Variants in ADGRG6 observed in about 807,000 individuals in gnomAD.
The protein encoded by ADGRG6 is G-protein coupled receptor 126.
In ADGRG6, 84 loss-of-function variants were observed where a neutral mutation model predicts 142.4. The observed-to-expected ratio is 0.59, with a 90% confidence interval of 0.49 to 0.71. The LOEUF is 0.71. ADGRG6 is among the 30% of genes least tolerant of loss of function. ADGRG6 has a pLI of 0.00. For missense variants in ADGRG6, 1,367 were observed against 1,466.6 expected (o/e 0.93, Z 1.11); for synonymous variants, 521 against 520.5 (o/e 1.00, Z -0.01).
chr6:142,406,436 G>A (rs1775811901), intron 15 of ADGRG6, among the ~76,000 whole-genome samples: 1 of 152,182 alleles, frequency 6.6e-6, no homozygotes. Flanking sequence ...CTGATCGAGA[G>A]CAGGTTCGCT....
chr6:142,355,307 G>C (rs527802090), intron 2 of ADGRG6, among the ~76,000 whole-genome samples: 2 of 152,080 alleles, frequency 1.3e-5, no homozygotes, highest in South Asian at 4.1e-4. Context: ...TATTTTCATG[G>C]AGAGTGGGGA....
At chr6:142,435,015 A>G (rs148907130) in intron 22 of ADGRG6, among the ~76,000 whole-genome samples, 1 of 152,292 alleles carries the variant, frequency 6.6e-6, no homozygotes, top group African/African-American at 2.4e-5. Context: ...AGTACTCTAA[A>G]GAGAGTACTG....
intron 2 of ADGRG6, among the ~76,000 whole-genome samples, chr6:142,348,945 A>T (rs936802510): frequency 6.6e-6 from 1 of 152,174 alleles, no homozygotes; most frequent in Non-Finnish European, 1.5e-5. Flanking sequence ...GAATACTAGC[A>T]CAGTTGGGCC....
At chr6:142,332,285 TAG>T (rs1779099130) in intron 2 of ADGRG6, among the ~76,000 whole-genome samples, 1 of 152,292 alleles carries the variant, frequency 6.6e-6, no homozygotes, top group African/African-American at 2.4e-5. Flanking sequence ...GATGAGTAGG[TAG>T]AAAGTCCTAG....
At chr6:142,414,889 A>G (rs1776278986) in intron 18 of ADGRG6, 80 bp from the exon 19 acceptor site, 1 of 1,246,750 alleles carries the variant, frequency 8.0e-7, no homozygotes, top group Non-Finnish European at 1.1e-6. Context: ...TCTAATGTTA[A>G]CAGTGAACTT....
intron 22 of ADGRG6, among the ~76,000 whole-genome samples, chr6:142,432,052 G>GAAAAAC (rs1163591238): frequency 6.6e-6 from 1 of 151,894 alleles, no homozygotes; most frequent in Non-Finnish European, 1.5e-5. Context: ...GTAGATGGAG[G>GAAAAAC]AAAAACAAAA....
chr6:142,438,062 T>A lies in ADGRG6; in HGVS notation c.3422-150T>A, dbSNP rs548735561. ...AAGTAAGAAATTATCAATATCCTCT[T>A]ATTGTTTACATGTCAGTCTCTTCTC... On this transcript the variant is annotated intron_variant, in intron 23 of 24. Coordinates refer to ENST00000367609, the MANE Select transcript of ADGRG6 (RefSeq NM_198569.3). 6.0e-4 allele frequency: 322 copies of A among 535,250 alleles called. 6 individuals are homozygous for A. In the South Asian group the frequency reaches 9.2e-3, roughly 15 times the overall value. 33.2% of individuals were successfully genotyped at this position (535,250 alleles called of 1,614,324 possible).
At chr6:142,375,295 C>T (rs1215419663) in intron 4 of ADGRG6, among the ~76,000 whole-genome samples, 1 of 152,076 alleles carries the variant, frequency 6.6e-6, no homozygotes, top group Non-Finnish European at 1.5e-5. Context: ...AAAAGGGTAC[C>T]GTGAACTTAA....
intron 20 of ADGRG6, among the ~76,000 whole-genome samples, chr6:142,416,856 TAAAGAGTTTTCTTTATATA>T (rs1776389827): frequency 6.6e-6 from 1 of 152,156 alleles, no homozygotes; most frequent in South Asian, 2.1e-4. Flanking sequence ...CCACTTTTTC[TAAAGAGTTTTCTTTATATA>T]GAAGGAGGCA....
intron 4 of ADGRG6, among the ~76,000 whole-genome samples, chr6:142,372,322 GA>G (rs1781297965): frequency 6.6e-6 from 1 of 152,180 alleles, no homozygotes; most frequent in Non-Finnish European, 1.5e-5. Flanking sequence ...AATTAAAAAG[GA>G]GAAGAAGGAG....
At chr6:142,319,280 C>T (rs1404918620) in intron 2 of ADGRG6, among the ~76,000 whole-genome samples, 1 of 152,116 alleles carries the variant, frequency 6.6e-6, no homozygotes, top group Non-Finnish European at 1.5e-5. Context: ...GAAATACCTT[C>T]TTTGTCTTTA....
At chr6:142,358,952 TCCCAGCACTTTGGGAG>T (rs1189114472) in intron 2 of ADGRG6, among the ~76,000 whole-genome samples, 1 of 151,630 alleles carries the variant, frequency 6.6e-6, no homozygotes, top group East Asian at 1.9e-4. Flanking sequence ...ATGCCTGTAA[TCCCAGCACTTTGGGAG>T]GCTGAGGTGG....
At chr6:142,355,809 GA>G (rs1204442097) in intron 2 of ADGRG6, among the ~76,000 whole-genome samples, 1 of 151,934 alleles carries the variant, frequency 6.6e-6, no homozygotes, top group African/African-American at 2.4e-5. Flanking sequence ...CCATTTTTCT[GA>G]AGTTTAAAAA....
rs115456679 is a variant in ADGRG6 at position 142,332,687 on chromosome 6, A to G, written c.103+23043A>G. Reference sequence around the variant, plus strand: ...CACGCCAAAAATGATAGCTTTTGCAAGAGAGACACAATATAGTAGATTGTG... The same window carrying G: ...CACGCCAAAAATGATAGCTTTTGCAGGAGAGACACAATATAGTAGATTGTG... On this transcript the variant is annotated intron_variant, in intron 2 of 24. Transcript: ENST00000367609. Among the ~76,000 whole-genome samples the G allele has an allele frequency of 7.6e-3, 1,161 of 152,342 alleles. 14 individuals are homozygous for G. Among genetic ancestry groups the G allele is most frequent in the African/African-American group, 0.027 (1,107 of 41,578 alleles).
chr6:142,405,795 G>T lies in ADGRG6; in HGVS notation c.2235G>T (p.Gln745His), dbSNP rs771752914. ...ATTCTGTATTAGTTAGAAGAGCACA[G>T]TTTACTTTCTTCAACAAAACTGGAC... ...PEDSVLVRRA[Q>H]FTFFNKTGLF... The change falls in exon 15 of 25, where the codon CAG becomes CAT. Residue 745 changes from glutamine to histidine, a missense_variant. Around this residue, in one of 3 missense-constraint regions of ADGRG6, gnomAD observed 286 missense variants for 371.4 expected, o/e 0.77. Transcript: ENST00000367609. 48 of 1,604,786 alleles carry T rather than the reference G, an allele frequency of 3.0e-5. No individual in the cohort carries two copies. Among genetic ancestry groups the T allele is most frequent in the Non-Finnish European group, 3.9e-5 (46 of 1,175,536 alleles).
rs144314946 is a variant in ADGRG6 at position 142,308,667 on chromosome 6, T to G, written c.3-877T>G. ...GATTTCTGACTATTGCTTACTTACCTTCCTGCCTCACAACTCTTCTGCTCA... is the reference window on the plus strand; with the variant it reads ...GATTTCTGACTATTGCTTACTTACCGTCCTGCCTCACAACTCTTCTGCTCA... On this transcript the variant is annotated intron_variant, in intron 1 of 24. Transcript: ENST00000367609. Among the ~76,000 whole-genome samples, 7 of 151,986 alleles carry G rather than the reference T, an allele frequency of 4.6e-5. No homozygotes were observed. In the East Asian group the frequency reaches 1.2e-3, roughly 25 times the overall value.
At chr6:142,344,510 G>GTC (rs1779803502) in intron 2 of ADGRG6, among the ~76,000 whole-genome samples, 1 of 151,922 alleles carries the variant, frequency 6.6e-6, no homozygotes, top group Non-Finnish European at 1.5e-5. Context: ...CAGTGTGGAT[G>GTC]AACATTTAAA....
chr6:142,325,360 A>G (rs925067206), intron 2 of ADGRG6, among the ~76,000 whole-genome samples: 3 of 152,064 alleles, frequency 2.0e-5, no homozygotes, highest in African/African-American at 7.2e-5. Context: ...TATTCTTTAC[A>G]TCTCCCACGA....
intron 4 of ADGRG6, among the ~76,000 whole-genome samples, chr6:142,371,354 A>G (rs1781244074): frequency 6.6e-6 from 1 of 151,686 alleles, no homozygotes; most frequent in Non-Finnish European, 1.5e-5. Context: ...TAAAATAGAG[A>G]TGGGGTTTCA....
Sources: allele counts gnomAD v4.1 joint callset (sites outside exome capture counted in the v4.1 genomes callset), GRCh38; gene constraint gnomAD v4.1.1; regional missense constraint gnomAD v4.1.1; transcripts MANE v1.5; gene names NCBI Gene and HGNC (gene_info 2026-07-23, HGNC 2026-07-21).